AGMO: variants seen among roughly 807,000 people sequenced by gnomAD.
AGMO encodes alkylglycerol monooxygenase.
AGMO carries 75 observed loss-of-function variants against 60.2 expected under a neutral mutation model. The ratio of observed to expected loss-of-function variants is 1.25; its 90% CI spans 1.03 to 1.51. The LOEUF (loss-of-function observed/expected upper bound fraction) is 1.51. Among genes scored for constraint, AGMO ranks in the 40% most tolerant of loss-of-function variants. The pLI is 0.00. For synonymous variants in AGMO, 261 were observed against 177.1 expected (o/e 1.47, Z -3.76); for missense variants, 763 against 525.5 (o/e 1.45, Z -4.42).
At chr7:15,161,340 C>A in the AGMO span, among the ~76,000 whole-genome samples, 4 of 152,190 alleles carry the variant, frequency 2.6e-5, no homozygotes, top group East Asian at 5.8e-4. Context: ...ATTCTGCCTG[C>A]AGATGGCCTT....
rs527463907 is a variant in AGMO at position 15,270,596 on chromosome 7, A to ATTTTTTTTTTTTTTTTTTTT, written c.1264-69257_1264-69238dup. On this transcript the variant is annotated intron_variant, in intron 12 of 12. Transcript: ENST00000342526. ...ATTAAACAAATTTAATCTGTTGATAATTTTTTTTTTTTTTTTTTTTTTTTT... is the reference window on the plus strand; with the variant it reads ...ATTAAACAAATTTAATCTGTTGATAATTTTTTTTTTTTTTTTTTTTTTTTTTTTTTTTTTTTTTTTTTTTT... Among the ~76,000 whole-genome samples the ATTTTTTTTTTTTTTTTTTTT allele has an allele frequency of 1.0e-3, 48 of 48,052 alleles. 1 individual carries two copies. Among genetic ancestry groups the ATTTTTTTTTTTTTTTTTTTT allele is most frequent in the Non-Finnish European group, 1.2e-3 (32 of 25,768 alleles). The allele number at this position is 48,052 out of a possible 152,430, so 31.5% of individuals were successfully genotyped here.
At chr7:15,263,358 G>A (rs570118109) in intron 12 of AGMO, among the ~76,000 whole-genome samples, 14 of 152,078 alleles carry the variant, frequency 9.2e-5, no homozygotes, top group African/African-American at 3.1e-4. Context: ...AGAGGGAAAT[G>A]CAAACCAAAA....
At chr7:15,248,106 T>C (rs1468783802) in intron 12 of AGMO, among the ~76,000 whole-genome samples, 1 of 143,050 alleles carries the variant, frequency 7.0e-6, no homozygotes, top group Non-Finnish European at 1.5e-5. Flanking sequence ...GACAAGAAAA[T>C]CATTAGCTGT....
intron 12 of AGMO, among the ~76,000 whole-genome samples, chr7:15,332,402 C>T (rs1489683136): frequency 6.6e-6 from 1 of 152,142 alleles, no homozygotes; most frequent in Non-Finnish European, 1.5e-5. Flanking sequence ...CGTCTGGAAA[C>T]TTCATGGAAT....
chr7:15,403,255 G>A (rs544395605), intron 5 of AGMO, among the ~76,000 whole-genome samples: 1 of 151,336 alleles, frequency 6.6e-6, no homozygotes, highest in Non-Finnish European at 1.5e-5. Flanking sequence ...CTTTTATTTA[G>A]TTTCCTGTAG....
chr7:15,526,589 C>T (rs559518802), intron 3 of AGMO, among the ~76,000 whole-genome samples: 1 of 152,132 alleles, frequency 6.6e-6, no homozygotes, highest in Non-Finnish European at 1.5e-5. Context: ...ACCACTTAAG[C>T]CTTCTTGGGT....
the AGMO span, among the ~76,000 whole-genome samples, chr7:15,140,533 C>T: frequency 5.5e-4 from 84 of 152,134 alleles, no homozygotes; most frequent in African/African-American, 1.9e-3. Flanking sequence ...TTCAGGACTT[C>T]CATTCTCAAA....
chr7:15,431,341 T>C (rs1781234018), intron 3 of AGMO, among the ~76,000 whole-genome samples: 1 of 151,910 alleles, frequency 6.6e-6, no homozygotes, highest in Non-Finnish European at 1.5e-5. Context: ...ATGTATAGTT[T>C]ATATGTTATA....
At chr7:15,377,060 A>G (rs185978932) in intron 10 of AGMO, among the ~76,000 whole-genome samples, 1 of 152,226 alleles carries the variant, frequency 6.6e-6, no homozygotes, top group Non-Finnish European at 1.5e-5. Flanking sequence ...CCCAATTACA[A>G]GTCAGCCACA....
intron 12 of AGMO, among the ~76,000 whole-genome samples, chr7:15,350,417 A>G (rs150234360): frequency 2.0e-5 from 3 of 152,170 alleles, no homozygotes; most frequent in Non-Finnish European, 2.9e-5. Flanking sequence ...TAAGCATGAG[A>G]GATGATGATG....
chr7:15,470,431 C>T (rs1239859235), intron 3 of AGMO, among the ~76,000 whole-genome samples: 1 of 151,804 alleles, frequency 6.6e-6, no homozygotes, highest in African/African-American at 2.4e-5. Context: ...TGGGCTTATA[C>T]ATTTTTAAGT....
intron 12 of AGMO, among the ~76,000 whole-genome samples, chr7:15,237,750 T>C (rs1003731174): frequency 6.6e-6 from 1 of 152,112 alleles, no homozygotes; most frequent in Admixed American, 6.5e-5. Flanking sequence ...CACCTCAGCT[T>C]GACCAAAGTG....
intron 3 of AGMO, among the ~76,000 whole-genome samples, chr7:15,466,247 G>A (rs1240221392): frequency 2.0e-5 from 3 of 152,086 alleles, no homozygotes. Context: ...TGTAGAAATG[G>A]AGCACAGAGA....
intron 4 of AGMO, among the ~76,000 whole-genome samples, chr7:15,421,379 C>A (rs376108974): frequency 6.6e-6 from 1 of 152,064 alleles, no homozygotes; most frequent in African/African-American, 2.4e-5. Flanking sequence ...GAGAAGGGAG[C>A]CATTTCAAGA....
At chr7:15,352,363 G>A (rs992014406) in intron 12 of AGMO, among the ~76,000 whole-genome samples, 1 of 151,958 alleles carries the variant, frequency 6.6e-6, no homozygotes, top group African/African-American at 2.4e-5. Context: ...GCAGCTGTTG[G>A]CTGCCACTAT....
intron 6 of AGMO, among the ~76,000 whole-genome samples, chr7:15,393,400 T>TA (rs973846524): frequency 2.6e-5 from 4 of 152,266 alleles, no homozygotes; most frequent in African/African-American, 7.2e-5. Flanking sequence ...CCCTTGCATG[T>TA]AGCAATGGTT....
intron 3 of AGMO, among the ~76,000 whole-genome samples, chr7:15,544,116 A>G (rs1784703775): frequency 6.6e-6 from 1 of 152,156 alleles, no homozygotes; most frequent in South Asian, 2.1e-4. Context: ...GAATTAACTC[A>G]GGAATGGAAA....
At chr7:15,354,984 T>C (rs930692789) in intron 12 of AGMO, among the ~76,000 whole-genome samples, 1 of 152,088 alleles carries the variant, frequency 6.6e-6, no homozygotes, top group South Asian at 2.1e-4. Flanking sequence ...CACTTATACA[T>C]GGCTAATGAA....
intron 12 of AGMO, among the ~76,000 whole-genome samples, chr7:15,246,042 T>C (rs1158106345): frequency 6.6e-6 from 1 of 151,296 alleles, no homozygotes; most frequent in Non-Finnish European, 1.5e-5. Flanking sequence ...AATACATCAC[T>C]GAAGGCTTAA....
Sources: allele counts gnomAD v4.1 joint callset (sites outside exome capture counted in the v4.1 genomes callset), GRCh38; gene constraint gnomAD v4.1.1; transcripts MANE v1.5; gene names NCBI Gene and HGNC (gene_info 2026-07-23, HGNC 2026-07-21).